Variants in VPS13B observed in about 807,000 individuals in gnomAD.
VPS13B encodes intermembrane lipid transfer protein VPS13B.
A neutral mutation model predicts 426.4 loss-of-function variants in VPS13B; 285 were observed. That is an observed-to-expected ratio of 0.67 (90% CI 0.61 to 0.74). VPS13B has a LOEUF of 0.74. Among genes scored for constraint, VPS13B ranks in the 30% least tolerant of loss-of-function variants. The pLI is 0.00. For synonymous variants in VPS13B, 1,676 were observed against 1,676.4 expected, an observed-to-expected ratio of 1.00 and a Z score of 0.01; for missense variants, 4,537 against 4,782.6, an observed-to-expected ratio of 0.95 and a Z score of 1.51.
At chr8:99,443,782 C>T (rs1450966728) in intron 23 of VPS13B, among the ~76,000 whole-genome samples, 1 of 151,932 alleles carries the variant, frequency 6.6e-6, no homozygotes, top group Non-Finnish European at 1.5e-5. Context: ...TATAAACATT[C>T]CTTTACAGGA....
At chr8:99,827,279 CTTCCTGG>C (rs1308949368) in intron 51 of VPS13B, among the ~76,000 whole-genome samples, 1 of 152,152 alleles carries the variant, frequency 6.6e-6, no homozygotes, top group African/African-American at 2.4e-5. Context: ...GATTTGACTT[CTTCCTGG>C]TTTAGTCTTA....
intron 19 of VPS13B, among the ~76,000 whole-genome samples, chr8:99,305,262 T>A (rs1288816573): frequency 2.6e-5 from 4 of 152,024 alleles, no homozygotes; most frequent in African/African-American, 9.7e-5. Context: ...CAACCAATGG[T>A]GGATCAAAAA....
At chr8:99,129,623 T>C (rs1188175740) in intron 8 of VPS13B, among the ~76,000 whole-genome samples, 2 of 143,464 alleles carry the variant, frequency 1.4e-5, no homozygotes, top group African/African-American at 2.6e-5. Context: ...AAAAAAGATA[T>C]ATTGTCAGTT....
chr8:99,480,670 A>G (rs943969218), intron 24 of VPS13B, among the ~76,000 whole-genome samples: 11 of 152,164 alleles, frequency 7.2e-5, no homozygotes, highest in Non-Finnish European at 1.3e-4. Flanking sequence ...CATTACACAA[A>G]AAACAGGAGA....
At chr8:99,492,075 T>C (rs914162127) in intron 25 of VPS13B, among the ~76,000 whole-genome samples, 2 of 152,214 alleles carry the variant, frequency 1.3e-5, no homozygotes, top group South Asian at 2.1e-4. Context: ...TTGATGTTGA[T>C]GCTATTCCTT....
At position 99,170,109 on chromosome 8, in the gene VPS13B, T is replaced by C. The variant is rs1261680070; in HGVS notation, c.2279T>C (p.Ile760Thr). 5.0e-6 allele frequency: 8 copies of C among 1,613,066 alleles called. No homozygotes were observed. The highest frequency in any genetic ancestry group is 6.8e-6 in the Non-Finnish European group (8 of 1,179,100). Residue 760 changes from isoleucine (I) to threonine (T), a missense_variant, in exon 16 of 62, where the codon ATT becomes ACT. Coordinates refer to ENST00000357162, the MANE Select transcript of VPS13B (RefSeq NM_152564.5). ...TCTTACTGCTTACCTGTACCAGTTA[T>C]TCCCTCTTTCAGCACTGCTCTTTAT... ...SGSYCLPVPV[I>T]PSFSTALYGK...
At chr8:99,869,614 T>C (rs1180244916) in intron 59 of VPS13B, among the ~76,000 whole-genome samples, 1 of 152,188 alleles carries the variant, frequency 6.6e-6, no homozygotes, top group African/African-American at 2.4e-5. Flanking sequence ...AGTTACACTC[T>C]CCCTTATGAT....
intron 40 of VPS13B, among the ~76,000 whole-genome samples, chr8:99,773,885 T>C (rs1811625903): frequency 1.3e-5 from 2 of 152,204 alleles, no homozygotes; most frequent in African/African-American, 4.8e-5. Context: ...TTCTGCTTAT[T>C]ATACATCTGA....
chr8:99,487,784 C>T (rs750865604), intron 25 of VPS13B, among the ~76,000 whole-genome samples: 7 of 152,132 alleles, frequency 4.6e-5, no homozygotes, highest in Non-Finnish European at 8.8e-5. Flanking sequence ...GAATTCCACT[C>T]CTTTTTATGG....
At chr8:99,818,122 T>G (rs1465861615) in intron 45 of VPS13B, among the ~76,000 whole-genome samples, 1 of 152,192 alleles carries the variant, frequency 6.6e-6, no homozygotes, top group Non-Finnish European at 1.5e-5. Context: ...ATCTTTATGA[T>G]GGTCTGTTAC....
chr8:99,519,280 A>G (rs1168986428), intron 29 of VPS13B, among the ~76,000 whole-genome samples: 1 of 152,184 alleles, frequency 6.6e-6, no homozygotes, highest in Non-Finnish European at 1.5e-5. Context: ...TAGAATGGTG[A>G]TCATTAAAAA....
At chr8:99,566,321 A>G (rs939177736) in intron 31 of VPS13B, among the ~76,000 whole-genome samples, 3 of 152,116 alleles carry the variant, frequency 2.0e-5, no homozygotes, top group African/African-American at 4.8e-5. Flanking sequence ...AATCTTCTGT[A>G]TTTTCAATTA....
intron 17 of VPS13B, among the ~76,000 whole-genome samples, chr8:99,213,458 C>T (rs1029712353): frequency 4.6e-5 from 7 of 152,018 alleles, no homozygotes; most frequent in African/African-American, 1.7e-4. Flanking sequence ...AGTAAAATGG[C>T]TAATAATTTT....
At chr8:99,711,308 A>C (rs1832700172) in intron 36 of VPS13B, among the ~76,000 whole-genome samples, 1 of 152,200 alleles carries the variant, frequency 6.6e-6, no homozygotes, top group Admixed American at 6.5e-5. Flanking sequence ...TTGTAGGTAT[A>C]TGGCAAGAAA....
chr8:99,267,609 C>T (rs144278063), intron 17 of VPS13B, among the ~76,000 whole-genome samples: 113 of 152,004 alleles, frequency 7.4e-4, no homozygotes, highest in Non-Finnish European at 1.3e-3. Context: ...TGCCTATAAT[C>T]CCAGCTACTT....
chr8:99,820,485 G>T (rs1215045379), intron 49 of VPS13B, among the ~76,000 whole-genome samples: 1 of 152,032 alleles, frequency 6.6e-6, no homozygotes, highest in African/African-American at 2.4e-5. Flanking sequence ...CTGTTCTTCT[G>T]GAAATTCTCT....
At chr8:99,233,918 G>T (rs1017001169) in intron 17 of VPS13B, 19 of 791,116 alleles carry the variant, frequency 2.4e-5, no homozygotes, top group Admixed American at 2.4e-4. Flanking sequence ...GGCATGGATG[G>T]TGACAAGCTT....
intron 22 of VPS13B, among the ~76,000 whole-genome samples, chr8:99,439,736 A>G (rs546612350): frequency 1.1e-4 from 16 of 152,250 alleles, no homozygotes; most frequent in African/African-American, 2.9e-4. Flanking sequence ...AAAGTGCTTT[A>G]TATGATGGGC....
chr8:99,397,169 G>T (rs959817581), intron 21 of VPS13B, among the ~76,000 whole-genome samples: 4 of 151,938 alleles, frequency 2.6e-5, no homozygotes, highest in African/African-American at 9.7e-5. Flanking sequence ...TTTTTGAGAC[G>T]GAGTCTCACT....
Sources: allele counts gnomAD v4.1 joint callset (sites outside exome capture counted in the v4.1 genomes callset), GRCh38; gene constraint gnomAD v4.1.1; transcripts MANE v1.5; gene names NCBI Gene and HGNC (gene_info 2026-07-23, HGNC 2026-07-21).